The following PRKG2 variants were observed in gnomAD, a reference collection of about 807,000 sequenced individuals.
The protein encoded by PRKG2 is cGMP-dependent protein kinase 2.
In PRKG2, 33 loss-of-function variants were observed where a neutral mutation model predicts 97.2. The observed-to-expected ratio is 0.34, with a 90% CI of 0.26 to 0.45. The LOEUF (loss-of-function observed/expected upper bound fraction) is 0.45. PRKG2 is among the 20% of genes least tolerant of loss of function. The pLI, the probability that PRKG2 is intolerant of heterozygous loss-of-function variation, is 1.00. For missense variants in PRKG2, 638 were observed against 900.0 expected (o/e 0.71, Z 3.73); for synonymous variants, 330 against 321.8 (o/e 1.03, Z -0.27).
upstream of PRKG2, among the ~76,000 whole-genome samples, chr4:81,216,892 TGTGTG>T (rs1347051747): frequency 4.4e-5 from 1 of 22,722 alleles, no homozygotes; most frequent in South Asian, 1.0e-3. Context: ...AGTATTCCAT[TGTGTG>T]TGTGTGTGTG....
chr4:81,111,891 C>T (rs1260523639), intron 14 of PRKG2, among the ~76,000 whole-genome samples: 1 of 152,180 alleles, frequency 6.6e-6, no homozygotes, highest in Non-Finnish European at 1.5e-5. Flanking sequence ...CTCAAACAAA[C>T]AGTCACAAAT....
At chr4:81,148,478 A>G (rs778629608) in intron 9 of PRKG2, among the ~76,000 whole-genome samples, 1 of 152,218 alleles carries the variant, frequency 6.6e-6, no homozygotes. Flanking sequence ...TAGCTAATAT[A>G]TATTTTATGC....
chr4:81,164,271 T>C (rs1271605062), intron 6 of PRKG2, among the ~76,000 whole-genome samples: 3 of 152,162 alleles, frequency 2.0e-5, no homozygotes, highest in Non-Finnish European at 4.4e-5. Context: ...CCACAATTCA[T>C]TGACAGCTGG....
At chr4:81,216,312 C>A (rs1754270564), upstream of PRKG2, among the ~76,000 whole-genome samples, 2 of 151,042 alleles carry the variant, frequency 1.3e-5, no homozygotes, top group Non-Finnish European at 2.9e-5. Flanking sequence ...CGCGAAAGTA[C>A]ACAAAGTACC....
chr4:81,134,472 G>T (rs886889679), intron 14 of PRKG2, among the ~76,000 whole-genome samples: 1 of 152,114 alleles, frequency 6.6e-6, no homozygotes, highest in Admixed American at 6.6e-5. Context: ...ATTCTAATGG[G>T]GTTCCTTCCC....
intron 2 of PRKG2, among the ~76,000 whole-genome samples, chr4:81,182,606 A>G (rs764623028): frequency 6.6e-6 from 1 of 152,086 alleles, no homozygotes; most frequent in Non-Finnish European, 1.5e-5. Flanking sequence ...AGAAAAAAGT[A>G]AACTGTATTC....
intron 2 of PRKG2, among the ~76,000 whole-genome samples, chr4:81,180,795 TATC>T (rs968423733): frequency 3.6e-5 from 4 of 111,856 alleles, no homozygotes; most frequent in African/African-American, 3.4e-4. Flanking sequence ...ATATTTTAAA[TATC>T]TCTTCAATAA....
chr4:81,106,638 G>A (rs1189882741), intron 15 of PRKG2, among the ~76,000 whole-genome samples: 3 of 152,192 alleles, frequency 2.0e-5, no homozygotes, highest in Non-Finnish European at 4.4e-5. Context: ...TGAAAGTAGT[G>A]AGATATGGCT....
At chr4:81,114,637 C>T (rs1174033908) in intron 14 of PRKG2, among the ~76,000 whole-genome samples, 1 of 152,094 alleles carries the variant, frequency 6.6e-6, no homozygotes, top group African/African-American at 2.4e-5. Flanking sequence ...ATAATTGATA[C>T]ATACAAAATA....
At chr4:81,112,170 C>T (rs1470027635) in intron 14 of PRKG2, among the ~76,000 whole-genome samples, 4 of 152,074 alleles carry the variant, frequency 2.6e-5, no homozygotes, top group Non-Finnish European at 5.9e-5. Flanking sequence ...CAAGGATTTT[C>T]CTATTGGAAA....
At chr4:81,196,135 G>A (rs1236247331) in intron 2 of PRKG2, among the ~76,000 whole-genome samples, 1 of 152,194 alleles carries the variant, frequency 6.6e-6, no homozygotes, top group African/African-American at 2.4e-5. Context: ...TAGGAGCTGA[G>A]AGCAGCCCCA....
chr4:81,148,237 T>C (rs1748045709), intron 9 of PRKG2, among the ~76,000 whole-genome samples: 1 of 152,150 alleles, frequency 6.6e-6, no homozygotes, highest in South Asian at 2.1e-4. Context: ...GACAATGGCC[T>C]GCCTTTGGTA....
intron 4 of PRKG2, 140 bp from the exon 5 acceptor site, chr4:81,169,908 G>T: frequency 1.9e-6 from 1 of 532,352 alleles, no homozygotes; most frequent in Non-Finnish European, 3.1e-6. Flanking sequence ...TACAAATGAA[G>T]GAGACAGAAA....
At chr4:81,175,444 G>A (rs572236367) in intron 2 of PRKG2, 1 of 152,230 alleles carries the variant, frequency 6.6e-6, no homozygotes, top group South Asian at 2.1e-4. Context: ...CCTATTTTAG[G>A]AAGAAGTAGA....
At chr4:81,198,553 A>G (rs1416654476) in intron 2 of PRKG2, among the ~76,000 whole-genome samples, 2 of 151,992 alleles carry the variant, frequency 1.3e-5, no homozygotes, top group Non-Finnish European at 2.9e-5. Context: ...GAAGCCACTC[A>G]CACTGTAGGC....
At chr4:81,194,019 C>T (rs1752777426) in intron 2 of PRKG2, among the ~76,000 whole-genome samples, 1 of 152,068 alleles carries the variant, frequency 6.6e-6, no homozygotes. Flanking sequence ...TAATCTATTC[C>T]TCCTTAAAAA....
intron 14 of PRKG2, among the ~76,000 whole-genome samples, chr4:81,133,942 T>A (rs1013948669): frequency 1.3e-5 from 2 of 152,164 alleles, no homozygotes; most frequent in African/African-American, 4.8e-5. Flanking sequence ...TTGGTTCTAC[T>A]TTTACAATAT....
At chr4:81,140,114 T>C (rs1237757250) in intron 12 of PRKG2, among the ~76,000 whole-genome samples, 1 of 152,094 alleles carries the variant, frequency 6.6e-6, no homozygotes, top group South Asian at 2.1e-4. Context: ...ATTGAATTCA[T>C]GGAGATAGAG....
At chr4:81,216,892 TGTGTGTGTGTGTGTGTG>T (rs958812369), upstream of PRKG2, among the ~76,000 whole-genome samples, 5 of 22,720 alleles carry the variant, frequency 2.2e-4, no homozygotes, top group African/African-American at 2.9e-3. Context: ...AGTATTCCAT[TGTGTGTGTGTGTGTGTG>T]TGTGTGTGTG....
Sources: gnomAD v4.1 joint callset for allele counts (sites outside exome capture counted in the v4.1 genomes callset) on GRCh38, gnomAD v4.1.1 for gene constraint, MANE v1.5 for transcripts, NCBI Gene and HGNC (gene_info 2026-07-23, HGNC 2026-07-21) for gene names.